Variants in SLC25A31 observed in about 807,000 individuals in gnomAD.
SLC25A31 encodes solute carrier family 25 member 31, also known as ADP/ATP translocase 4.
SLC25A31 carries 40 observed loss-of-function variants against 36.2 expected under a neutral mutation model. The ratio of observed to expected loss-of-function variants is 1.10; its 90% CI spans 0.86 to 1.44. SLC25A31 has a LOEUF of 1.44. Ranked by LOEUF, SLC25A31 falls within the 40% of genes most tolerant of loss-of-function variation. The pLI, the probability that SLC25A31 is intolerant of heterozygous loss-of-function variation, is 0.00. For missense variants in SLC25A31, 350 were observed against 397.1 expected (o/e 0.88, Z 1.01); for synonymous variants, 143 against 149.7 (o/e 0.96, Z 0.32).
At chr4:127,757,004 C>T (rs746917721) in intron 2 of SLC25A31, among the ~76,000 whole-genome samples, 2 of 152,150 alleles carry the variant, frequency 1.3e-5, no homozygotes, top group Non-Finnish European at 1.5e-5. Context: ...CATACAAAAA[C>T]CAGTGTACAC....
At chr4:127,734,432 C>T (rs1217550962) in intron 1 of SLC25A31, among the ~76,000 whole-genome samples, 1 of 151,778 alleles carries the variant, frequency 6.6e-6, no homozygotes, top group Non-Finnish European at 1.5e-5. Context: ...TGGTGGCGCA[C>T]GCCTATAGTC....
At position 127,773,619 on chromosome 4, in the gene SLC25A31, A is replaced by T. The variant is rs1168854690; in HGVS notation, c.*45A>T. ...AATACATGGATTTAACTTGTTAAACATACAAATTACATAGCTGCCATTTGC... is the reference window on the plus strand; with the variant it reads ...AATACATGGATTTAACTTGTTAAACTTACAAATTACATAGCTGCCATTTGC... On this transcript the variant is annotated 3_prime_UTR_variant, in exon 6 of 6. Coordinates refer to ENST00000281154, the MANE Select transcript of SLC25A31 (RefSeq NM_031291.4). 3 of 1,436,986 alleles carry T rather than the reference A, an allele frequency of 2.1e-6. No individual in the cohort carries two copies. The highest frequency in any genetic ancestry group is 2.3e-5 in the East Asian group (1 of 42,626). 89.0% of individuals were successfully genotyped at this position (1,436,986 alleles called of 1,614,324 possible).
At chr4:127,766,615 A>G (rs1218426443) in intron 3 of SLC25A31, among the ~76,000 whole-genome samples, 2 of 152,034 alleles carry the variant, frequency 1.3e-5, no homozygotes, top group African/African-American at 2.4e-5. Flanking sequence ...TACCTGCCTC[A>G]GCCTCCTGGC....
chr4:127,759,445 G>A (rs185471195), intron 2 of SLC25A31, among the ~76,000 whole-genome samples: 66 of 152,068 alleles, frequency 4.3e-4, no homozygotes, highest in Admixed American at 7.2e-4. Context: ...TTCCTATTTC[G>A]ATGCCTTTTA....
chr4:127,767,255 AT>A, intron 4 of SLC25A31, 35 bp downstream of exon 4: 1 of 1,416,188 alleles, frequency 7.1e-7, no homozygotes, highest in South Asian at 1.8e-5. Context: ...CATATTAAAT[AT>A]ATGGTTTCCA....
At chr4:127,768,993 GC>G in intron 5 of SLC25A31, 116 bp downstream of exon 5, 7 of 931,668 alleles carry the variant, frequency 7.5e-6, no homozygotes, top group Non-Finnish European at 7.7e-6. Context: ...GTTTTACTTA[GC>G]TAAAATAAAT....
rs987258393 is a variant in SLC25A31, at chr4:127,759,696, C to T, written c.361-4547C>T. ...TGGGGAGTTAGTGTTTAATGAGTTACAGAGTTCTGTTTAGGATGATGAAAA... is the reference window on the plus strand; with the variant it reads ...TGGGGAGTTAGTGTTTAATGAGTTATAGAGTTCTGTTTAGGATGATGAAAA... On this transcript the variant is annotated intron_variant, in intron 2 of 5. Coordinates refer to ENST00000281154, the MANE Select transcript of SLC25A31 (RefSeq NM_031291.4). Among the ~76,000 whole-genome samples, 3 of 152,042 alleles carry T rather than the reference C, an allele frequency of 2.0e-5. No homozygotes were observed. In the East Asian group the frequency reaches 5.8e-4, roughly 29 times the overall value.
intron 3 of SLC25A31, among the ~76,000 whole-genome samples, chr4:127,766,531 T>C (rs986214484): frequency 9.2e-5 from 14 of 152,162 alleles, no homozygotes; most frequent in African/African-American, 2.2e-4. Context: ...AGGGTCTTAC[T>C]CTGTTGCCTA....
chr4:127,765,353 TCTATTTGGTGAATTACCACTCCTCC>T (rs1444999958), intron 3 of SLC25A31, among the ~76,000 whole-genome samples: 2 of 152,226 alleles, frequency 1.3e-5, no homozygotes, highest in East Asian at 3.8e-4. Flanking sequence ...CTTTTTCTGC[TCTATTTGGTGAATTACCACTCCTCC>T]CTATTCTCTC....
intron 1 of SLC25A31, among the ~76,000 whole-genome samples, chr4:127,744,457 C>G (rs1156929640): frequency 2.6e-5 from 4 of 152,128 alleles, no homozygotes; most frequent in Non-Finnish European, 5.9e-5. Flanking sequence ...GTATTCAAAG[C>G]TCTTTATTTG....
At position 127,752,740 on chromosome 4, in the gene SLC25A31, C is replaced by G. The variant is rs184713795; in HGVS notation, c.360+7941C>G. On this transcript the variant is annotated intron_variant, in intron 2 of 5. Transcript: ENST00000281154. Reference sequence around the variant, plus strand: ...TATAACAATTGTAAATATAAATGCACTCTACATCGGAGCACCTAAATCTAT... The same window carrying G: ...TATAACAATTGTAAATATAAATGCAGTCTACATCGGAGCACCTAAATCTAT... Among the ~76,000 whole-genome samples, 56 of 152,254 alleles carry G rather than the reference C, an allele frequency of 3.7e-4. 1 individual carries two copies. In the East Asian group the frequency reaches 9.7e-3, roughly 26 times the overall value.
intron 5 of SLC25A31, among the ~76,000 whole-genome samples, chr4:127,771,669 C>T (rs1390866134): frequency 6.6e-6 from 1 of 152,146 alleles, no homozygotes; most frequent in Non-Finnish European, 1.5e-5. Flanking sequence ...TAACTGGCAA[C>T]CTTATCTTGT....
intron 1 of SLC25A31, among the ~76,000 whole-genome samples, chr4:127,737,586 G>T (rs1385717618): frequency 2.0e-5 from 3 of 150,598 alleles, no homozygotes; most frequent in Non-Finnish European, 4.4e-5. Context: ...ATAGGGTCCT[G>T]CTCCATCGCC....
chr4:127,731,680 G>T (rs1731529480), intron 1 of SLC25A31, among the ~76,000 whole-genome samples: 1 of 152,026 alleles, frequency 6.6e-6, no homozygotes, highest in South Asian at 2.1e-4. Context: ...GTGAGACCCT[G>T]TCTCAAAAAA....
rs773473438 is a variant in SLC25A31, at chr4:127,730,703, C to T, written c.158C>T (p.Ser53Leu). The change falls in exon 1 of 6, where the codon TCG (serine) becomes TTG (leucine). Residue 53 changes from serine to leucine, a missense_variant. Ser to Leu is a moderately radical substitution (Grantham distance 145, BLOSUM62 -2). Coordinates refer to ENST00000281154, the MANE Select transcript of SLC25A31 (RefSeq NM_031291.4). ...RVKLLLQVQA[S>L]SKQISPEARY... Reference sequence around the variant, plus strand: ...AAGCTGCTGCTGCAGGTGCAGGCGTCGTCGAAGCAGATCAGCCCCGAGGCG... The same window carrying T: ...AAGCTGCTGCTGCAGGTGCAGGCGTTGTCGAAGCAGATCAGCCCCGAGGCG... The T allele has an allele frequency of 5.6e-6, 9 of 1,613,768 alleles. No individual in the cohort carries two copies. The highest frequency in any genetic ancestry group is 3.3e-5 in the South Asian group (3 of 91,070).
rs914458330 is a variant in SLC25A31 at position 127,773,447 on chromosome 4, A to G, written c.821A>G (p.His274Arg). Residue 274 changes from histidine to arginine, a missense_variant, in exon 6 of 6, where the codon CAT becomes CGT. Physicochemically the swap from His to Arg is conservative, Grantham distance 29 (BLOSUM62 0). Transcript: ENST00000281154. ...TLDCFVKIYQ[H>R]EGISSFFRGA... ...GACTGCTTTGTGAAGATATACCAAC[A>G]TGAAGGAATCAGTTCCTTTTTTCGT... 7 of 1,614,188 alleles carry G rather than the reference A, an allele frequency of 4.3e-6. No individual in the cohort carries two copies. The highest frequency in any genetic ancestry group is 2.2e-5 in the East Asian group (1 of 44,880).
At chr4:127,768,637 C>A in intron 4 of SLC25A31, 115 bp from the exon 5 acceptor site, 2 of 811,158 alleles carry the variant, frequency 2.5e-6, no homozygotes, top group Non-Finnish European at 3.5e-6. Context: ...ATTTTTATTG[C>A]ATTTTAAGTA....
chr4:127,766,628 A>AT (rs892012339), intron 3 of SLC25A31, among the ~76,000 whole-genome samples: 6 of 151,374 alleles, frequency 4.0e-5, no homozygotes, highest in African/African-American at 1.5e-4. Flanking sequence ...CTCCTGGCTA[A>AT]TTTTTTTTAT....
chr4:127,764,182 A>C, intron 2 of SLC25A31, 61 bp from the exon 3 acceptor site: 2 of 1,356,770 alleles, frequency 1.5e-6, no homozygotes, highest in East Asian at 2.3e-5. Flanking sequence ...AGAATTTACC[A>C]GGTATTTTAA....
Sources: allele counts gnomAD v4.1 joint callset (sites outside exome capture counted in the v4.1 genomes callset), GRCh38; gene constraint gnomAD v4.1.1; transcripts MANE v1.5; gene names NCBI Gene and HGNC (gene_info 2026-07-23, HGNC 2026-07-21).